COL13A1: variants seen among roughly 807,000 people sequenced by gnomAD.
COL13A1 encodes collagen alpha-1(XIII) chain.
Under a neutral mutation model 130.9 loss-of-function variants are expected in COL13A1, and 89 were observed. That is an observed-to-expected ratio of 0.68 (90% CI 0.57 to 0.81). The LOEUF (loss-of-function observed/expected upper bound fraction) is 0.81. COL13A1 is among the 30% of genes least tolerant of loss of function. The pLI, the probability that COL13A1 is intolerant of heterozygous loss-of-function variation, is 0.00. For missense variants in COL13A1, 879 were observed against 934.6 expected (o/e 0.94, Z 0.78); for synonymous variants, 402 against 341.6 (o/e 1.18, Z -1.95).
chr10:69,944,047 T>C, intron 35 of COL13A1, 78 bp from the exon 36 acceptor site: 1 of 1,228,518 alleles, frequency 8.1e-7, no homozygotes, highest in Non-Finnish European at 1.2e-6. Context: ...ACCTTGCTCA[T>C]CTCTAGGCAT....
intron 8 of COL13A1, 22 bp downstream of exon 8, chr10:69,887,513 T>C (rs1179942350): frequency 6.2e-7 from 1 of 1,613,522 alleles, no homozygotes; most frequent in East Asian, 2.2e-5. Flanking sequence ...AGGCTGAAGT[T>C]AGCTGTGTCC....
chr10:69,952,476 A>C (rs554179982), intron 38 of COL13A1, among the ~76,000 whole-genome samples: 95 of 152,284 alleles, frequency 6.2e-4, no homozygotes, highest in African/African-American at 2.2e-3. Context: ...AAGGATAAAC[A>C]TTAATTGGGG....
chr10:69,914,929 A>G (rs1259435696), intron 17 of COL13A1, among the ~76,000 whole-genome samples: 1 of 152,184 alleles, frequency 6.6e-6, no homozygotes, highest in African/African-American at 2.4e-5. Context: ...CACCCCTATG[A>G]TGGGCCACAG....
intron 29 of COL13A1, among the ~76,000 whole-genome samples, 152 bp from the exon 30 acceptor site, chr10:69,930,248 C>A (rs1187527754): frequency 6.6e-6 from 1 of 152,122 alleles, no homozygotes; most frequent in East Asian, 1.9e-4. Context: ...CTGCAAGCCC[C>A]AGGAGGAGCC....
At chr10:69,898,113 G>C (rs888389767) in intron 13 of COL13A1, among the ~76,000 whole-genome samples, 5 of 152,156 alleles carry the variant, frequency 3.3e-5, no homozygotes, top group African/African-American at 1.2e-4. Flanking sequence ...GCTTGGCACT[G>C]CCCTTGACCA....
intron 34 of COL13A1, among the ~76,000 whole-genome samples, chr10:69,939,465 G>A (rs2067342599): frequency 6.6e-6 from 1 of 152,226 alleles, no homozygotes; most frequent in Non-Finnish European, 1.5e-5. Context: ...TTCTGCTCCA[G>A]ACCTCTCAAG....
chr10:69,865,902 C>G (rs993238281), intron 2 of COL13A1, among the ~76,000 whole-genome samples: 3 of 152,192 alleles, frequency 2.0e-5, no homozygotes, highest in Non-Finnish European at 4.4e-5. Flanking sequence ...CTACCATTTA[C>G]TAGCTGCATG....
At chr10:69,830,691 G>A (rs1383435969) in intron 2 of COL13A1, among the ~76,000 whole-genome samples, 1 of 152,202 alleles carries the variant, frequency 6.6e-6, no homozygotes, top group Non-Finnish European at 1.5e-5. Context: ...ATTAGGCTGG[G>A]TGGTGGGTAC....
rs2062704584 is a variant in COL13A1 at position 69,905,900 on chromosome 10, G to C, written c.921+78G>C. 54 of 1,514,802 alleles carry C rather than the reference G, an allele frequency of 3.6e-5. No homozygotes were observed. The East Asian group carries it at 1.1e-3, about 30-fold the overall frequency. The allele number at this position is 1,514,802 out of a possible 1,614,324, so 93.8% of individuals were successfully genotyped here. On this transcript the variant is annotated intron_variant, in intron 17 of 40. Coordinates refer to ENST00000645393, the MANE Select transcript of COL13A1 (RefSeq NM_001368882.1). ...GCCTACTGGACCTCAGACCCAAGAG[G>C]GTCTCTCCCTTCCAACCTAGGTGGC...
chr10:69,806,938 C>T (rs573339871), intron 1 of COL13A1, among the ~76,000 whole-genome samples: 1 of 152,190 alleles, frequency 6.6e-6, no homozygotes, highest in Non-Finnish European at 1.5e-5. Context: ...AACTGGGAGG[C>T]GAAGTTTGCA....
At chr10:69,832,165 C>A (rs1692972121) in intron 2 of COL13A1, among the ~76,000 whole-genome samples, 1 of 152,216 alleles carries the variant, frequency 6.6e-6, no homozygotes, top group African/African-American at 2.4e-5. Context: ...TGGCCTACTC[C>A]TACTTCCCTG....
chr10:69,848,338 GGACTTATTAAGTGCAA>G (rs1168757029), intron 2 of COL13A1, among the ~76,000 whole-genome samples: 1 of 152,174 alleles, frequency 6.6e-6, no homozygotes, highest in East Asian at 1.9e-4. Context: ...CACTTCCCAA[GGACTTATTAAGTGCAA>G]GACCCTTACA....
At chr10:69,863,415 G>A (rs1858787676) in intron 2 of COL13A1, among the ~76,000 whole-genome samples, 1 of 152,192 alleles carries the variant, frequency 6.6e-6, no homozygotes, top group South Asian at 2.1e-4. Context: ...GGTCGGGCAT[G>A]TGGCAGAGCT....
In COL13A1 at chr10:69,875,157, A is replaced by T; in HGVS notation, c.429A>T (p.Gly143=). The stretch of plus-strand genomic sequence containing the variant: ...ACAAAGGTGCCATTGGGATGCCTGG[A>T]CGTGTGGTGAGTTGGCCCGTTTGTA... ...PGDKGAIGMP[G]RVGVKGQPGE... is the part of the protein sequence containing the mutation. The change falls in exon 5 of 41, where the codon GGA becomes GGT. Residue 143 remains glycine, a synonymous_variant. Transcript: ENST00000645393. 1.2e-6 allele frequency: 2 copies of T among 1,613,870 alleles called. No homozygotes were observed. The highest frequency in any genetic ancestry group is 1.7e-6 in the Non-Finnish European group (2 of 1,179,850).
At chr10:69,934,239 G>A (rs929794107) in intron 31 of COL13A1, among the ~76,000 whole-genome samples, 1 of 152,200 alleles carries the variant, frequency 6.6e-6, no homozygotes, top group African/African-American at 2.4e-5. Context: ...TTCTGTGAAT[G>A]TTAATGCATG....
chr10:69,923,945 A>T (rs997235915), intron 24 of COL13A1, 90 bp downstream of exon 24: 6 of 1,519,958 alleles, frequency 3.9e-6, no homozygotes, highest in Non-Finnish European at 5.4e-6. Context: ...GGTATCCCTC[A>T]GGGCACAAGG....
chr10:69,951,319 A>G (rs139562505), intron 38 of COL13A1, among the ~76,000 whole-genome samples: 1 of 152,344 alleles, frequency 6.6e-6, no homozygotes, highest in Non-Finnish European at 1.5e-5. Flanking sequence ...TACTGTGCAC[A>G]TACTATATTC....
chr10:69,880,395 G>C (rs2060008629), intron 6 of COL13A1, 108 bp from the exon 7 acceptor site: 3 of 739,824 alleles, frequency 4.1e-6, no homozygotes, highest in African/African-American at 1.7e-5. Context: ...CCGGCCTCCT[G>C]CTCCTGGCCC....
intron 2 of COL13A1, among the ~76,000 whole-genome samples, chr10:69,848,784 C>T (rs1853859435): frequency 6.6e-6 from 1 of 152,204 alleles, no homozygotes; most frequent in Admixed American, 6.5e-5. Context: ...ACAGAAGAGC[C>T]AGCTGGTGCC....
Sources: allele counts gnomAD v4.1 joint callset (sites outside exome capture counted in the v4.1 genomes callset), GRCh38; gene constraint gnomAD v4.1.1; transcripts MANE v1.5; gene names NCBI Gene and HGNC (gene_info 2026-07-23, HGNC 2026-07-21).